Variants in ZFHX3 observed in about 807,000 individuals in gnomAD.
ZFHX3 encodes the protein zinc finger homeobox 3, also known as zinc finger homeobox protein 3.
In ZFHX3, 42 loss-of-function variants were observed where a neutral mutation model predicts 279.1. The ratio of observed to expected loss-of-function variants is 0.15; its 90% CI spans 0.12 to 0.19. The LOEUF is 0.19. Ranked by LOEUF, ZFHX3 falls within the 10% of genes least tolerant of loss-of-function variation. The probability of loss-of-function intolerance (pLI) is 1.00; values close to 1 mark genes in which losing one functional copy is unlikely to be tolerated. For synonymous variants in ZFHX3, 2,293 were observed against 1,957.8 expected, an observed-to-expected ratio of 1.17 and a Z score of -4.52; for missense variants, 4,981 against 4,754.0, an observed-to-expected ratio of 1.05 and a Z score of -1.40.
Position 73,868,434 on chromosome 16 carries a change from G to A in ZFHX3, c.-1608+23217C>T, listed in dbSNP as rs1485881800. Among the ~76,000 whole-genome samples, 4 of 152,360 alleles carry A rather than the reference G, an allele frequency of 2.6e-5. No individual in the cohort carries two copies. The East Asian group carries it at 5.8e-4, about 22-fold the overall frequency. On this transcript the variant is annotated intron_variant, in intron 1 of 17. Transcript: ENST00000641206. Reference sequence around the variant, plus strand: ...AGCTACTCGGGAGGCCGAGACAGGTGAATTGCTTGAACCTGGGAGGCAGAG... The same window carrying A: ...AGCTACTCGGGAGGCCGAGACAGGTAAATTGCTTGAACCTGGGAGGCAGAG...
chr16:73,847,303 A>T (rs1961474092), intron 1 of ZFHX3, among the ~76,000 whole-genome samples: 1 of 152,118 alleles, frequency 6.6e-6, no homozygotes, highest in Non-Finnish European at 1.5e-5. Context: ...CTTCATCTCA[A>T]AAAGAAAAGC....
chr16:72,860,358 TC>T (rs1181578339), intron 4 of ZFHX3, among the ~76,000 whole-genome samples: 1 of 151,786 alleles, frequency 6.6e-6, no homozygotes, highest in Admixed American at 6.6e-5. Context: ...CTGCCCGCTT[TC>T]CCCCCTCTTT....
rs114940903 is a variant in ZFHX3 at position 73,719,944 on chromosome 16, C to T, written c.-1607-39704G>A. On this transcript the variant is annotated intron_variant, in intron 1 of 17. Coordinates refer to the ZFHX3 transcript ENST00000641206. Reference sequence around the variant, plus strand: ...CAACAGATGTTTGCTGTTTTTCTCACGGCTATCTTCCACTACAAGAACAGT... The same window carrying T: ...CAACAGATGTTTGCTGTTTTTCTCATGGCTATCTTCCACTACAAGAACAGT... Among the ~76,000 whole-genome samples the T allele has an allele frequency of 3.4e-3, 525 of 152,262 alleles. 5 individuals are homozygous for T. Among genetic ancestry groups the T allele is most frequent in the African/African-American group, 0.011 (470 of 41,562 alleles).
intron 1 of ZFHX3, among the ~76,000 whole-genome samples, chr16:73,011,206 C>T (rs111645511): frequency 1.3e-5 from 2 of 151,728 alleles, no homozygotes; most frequent in African/African-American, 2.4e-5. Flanking sequence ...TGGTCTCAAA[C>T]TCCTGACCTC....
intron 2 of ZFHX3, among the ~76,000 whole-genome samples, chr16:73,599,767 A>G (rs1278826392): frequency 1.3e-5 from 2 of 152,102 alleles, no homozygotes; most frequent in Non-Finnish European, 2.9e-5. Flanking sequence ...AACCTTTAAC[A>G]GCCCACTGGT....
chr16:73,501,899 C>T (rs1219720996), intron 2 of ZFHX3, among the ~76,000 whole-genome samples: 2 of 152,092 alleles, frequency 1.3e-5, no homozygotes, highest in African/African-American at 2.4e-5. Context: ...AGCCTCCTTA[C>T]CTCTCTGGGG....
At chr16:73,466,178 A>G (rs1233627782) in intron 2 of ZFHX3, among the ~76,000 whole-genome samples, 2 of 81,832 alleles carry the variant, frequency 2.4e-5, no homozygotes, top group East Asian at 5.5e-4. Context: ...TTTCAATCGC[A>G]TGAAAAAAAA....
At chr16:73,010,505 C>T (rs1003124605) in intron 1 of ZFHX3, among the ~76,000 whole-genome samples, 1 of 152,234 alleles carries the variant, frequency 6.6e-6, no homozygotes, top group African/African-American at 2.4e-5. Context: ...ATTTCAGATG[C>T]ATTAAAGCGA....
chr16:73,529,249 G>A (rs1479466563), intron 2 of ZFHX3, among the ~76,000 whole-genome samples: 2 of 152,160 alleles, frequency 1.3e-5, no homozygotes, highest in African/African-American at 4.8e-5. Context: ...TGGCTGCTGA[G>A]GGAAAAGCTG....
intron 4 of ZFHX3, among the ~76,000 whole-genome samples, chr16:73,314,384 G>T (rs1350789835): frequency 6.6e-6 from 1 of 152,004 alleles, no homozygotes; most frequent in Non-Finnish European, 1.5e-5. Flanking sequence ...CTTTCCTATT[G>T]GTTCTGTTTT....
intron 4 of ZFHX3, among the ~76,000 whole-genome samples, chr16:72,833,264 T>C (rs1449455446): frequency 6.6e-6 from 1 of 152,208 alleles, no homozygotes; most frequent in Non-Finnish European, 1.5e-5. Context: ...TAGCCCTTGT[T>C]CTCTTTAGGA....
chr16:72,840,779 A>C (rs1473805115), intron 4 of ZFHX3, among the ~76,000 whole-genome samples: 3 of 152,244 alleles, frequency 2.0e-5, no homozygotes, highest in South Asian at 2.1e-4. Context: ...AGAATGAGGA[A>C]CTGACTGTCA....
At position 73,101,298 on chromosome 16, in the gene ZFHX3, G is replaced by A. The variant is rs186731308; in HGVS notation, c.-896-7700C>T. ...GATCTCCTGAATCAGAATTTCTAAG[G>A]TGGGCTTCAGACTCCTCAGCATCAC... On this transcript the variant is annotated intron_variant, in intron 7 of 17. Coordinates refer to the ZFHX3 transcript ENST00000641206. Among the ~76,000 whole-genome samples the A allele has an allele frequency of 7.2e-5, 11 of 152,238 alleles. No individual in the cohort carries two copies. In the East Asian group the frequency reaches 1.7e-3, roughly 24 times the overall value.
intron 1 of ZFHX3, among the ~76,000 whole-genome samples, chr16:73,832,565 G>C (rs1396311572): frequency 6.6e-6 from 1 of 152,100 alleles, no homozygotes; most frequent in East Asian, 1.9e-4. Flanking sequence ...TTAAGAGACA[G>C]GGTCTCACTC....
At chr16:73,602,509 T>C (rs1384145251) in intron 2 of ZFHX3, among the ~76,000 whole-genome samples, 1 of 152,192 alleles carries the variant, frequency 6.6e-6, no homozygotes, top group Non-Finnish European at 1.5e-5. Context: ...TGTCCATATA[T>C]GCCACATCCC....
intron 1 of ZFHX3, among the ~76,000 whole-genome samples, chr16:72,991,402 G>A (rs1314686326): frequency 6.6e-6 from 1 of 152,152 alleles, no homozygotes; most frequent in Non-Finnish European, 1.5e-5. Context: ...TGCTGTCGTG[G>A]CTAGGAGTAT....
intron 2 of ZFHX3, among the ~76,000 whole-genome samples, chr16:73,533,475 C>A (rs1463436561): frequency 6.6e-6 from 1 of 151,146 alleles, no homozygotes; most frequent in Non-Finnish European, 1.5e-5. Flanking sequence ...AATTCTCTCT[C>A]CTACGGGTCA....
intron 4 of ZFHX3, among the ~76,000 whole-genome samples, chr16:72,884,655 A>G (rs955694591): frequency 6.6e-5 from 10 of 152,238 alleles, no homozygotes; most frequent in Non-Finnish European, 1.3e-4. Context: ...AGAAAGGCCG[A>G]CAGCAGAAAC....
intron 8 of ZFHX3, among the ~76,000 whole-genome samples, chr16:73,068,994 A>T (rs1048901329): frequency 6.6e-6 from 1 of 152,160 alleles, no homozygotes; most frequent in Admixed American, 6.5e-5. Flanking sequence ...CAACTGCACA[A>T]GGGGGAAGGG....
Sources: gnomAD v4.1 joint callset for allele counts (sites outside exome capture counted in the v4.1 genomes callset) on GRCh38, gnomAD v4.1.1 for gene constraint, MANE v1.5 for transcripts, NCBI Gene and HGNC (gene_info 2026-07-23, HGNC 2026-07-21) for gene names.